DIAPH3: variants seen among roughly 807,000 people sequenced by gnomAD.
DIAPH3 encodes diaphanous related formin 3.
A neutral mutation model predicts 144.3 loss-of-function variants in DIAPH3; 117 were observed. The ratio of observed to expected loss-of-function variants is 0.81; its 90% CI spans 0.70 to 0.95. The LOEUF (loss-of-function observed/expected upper bound fraction) is 0.95. Ranked by LOEUF, DIAPH3 falls within the 40% of genes least tolerant of loss-of-function variation. The pLI is 0.00. For missense variants in DIAPH3, 1,421 were observed against 1,412.7 expected (o/e 1.01, Z -0.09); for synonymous variants, 519 against 488.9 (o/e 1.06, Z -0.81).
intron 4 of DIAPH3, among the ~76,000 whole-genome samples, chr13:60,078,077 G>C (rs1457701153): frequency 6.6e-6 from 1 of 152,082 alleles, no homozygotes; most frequent in Non-Finnish European, 1.5e-5. Flanking sequence ...AATCAAGTTT[G>C]TGAGCCTCCA....
At chr13:59,916,315 T>C in intron 18 of DIAPH3, 66 bp from the exon 19 acceptor site, 1 of 1,192,180 alleles carries the variant, frequency 8.4e-7, no homozygotes, top group Non-Finnish European at 1.2e-6. Context: ...CAGATGTAGT[T>C]CTATTTATAA....
chr13:59,772,038 CAATTTT>C (rs2038151011), intron 27 of DIAPH3, among the ~76,000 whole-genome samples: 1 of 151,812 alleles, frequency 6.6e-6, no homozygotes, highest in South Asian at 2.1e-4. Context: ...TATTAGACAT[CAATTTT>C]AAGTATATAA....
chr13:59,779,844 C>T (rs967906540), intron 25 of DIAPH3, among the ~76,000 whole-genome samples: 22 of 152,182 alleles, frequency 1.4e-4, no homozygotes, highest in African/African-American at 4.6e-4. Context: ...TATTCTATTA[C>T]GCTCTTCATT....
At chr13:60,007,886 T>C (rs1177753096) in intron 9 of DIAPH3, among the ~76,000 whole-genome samples, 4 of 152,178 alleles carry the variant, frequency 2.6e-5, no homozygotes, top group Non-Finnish European at 5.9e-5. Flanking sequence ...TGAAAAGCCC[T>C]AATCGACCTA....
chr13:59,833,141 A>T lies in DIAPH3; in HGVS notation c.2993T>A (p.Leu998His). Residue 998 changes from leucine (L) to histidine (H), a missense_variant, in exon 24 of 28, where the codon CTT becomes CAT. By Grantham distance (99) the Leu-to-His change is moderately conservative. Transcript: ENST00000400324. ...GGTTCTGAAGTTATTCAGGTCAGTA[A>T]GAAAGTCTTCCACAGACACCTTCTT... ...DVKKVSVEDF[L>H]TDLNNFRTTF... 6.2e-7 allele frequency: 1 copy of T among 1,610,790 alleles called. No homozygotes were observed. Among genetic ancestry groups the T allele is most frequent in the South Asian group, 1.1e-5 (1 of 90,852 alleles).
chr13:59,943,063 T>C (rs976576147), intron 17 of DIAPH3, among the ~76,000 whole-genome samples: 16 of 152,220 alleles, frequency 1.1e-4, no homozygotes, highest in Non-Finnish European at 4.4e-5. Context: ...TGTGCCGATG[T>C]AATAATCTCG....
intron 4 of DIAPH3, among the ~76,000 whole-genome samples, chr13:60,070,756 T>C (rs989775138): frequency 3.3e-5 from 5 of 152,226 alleles, no homozygotes; most frequent in Non-Finnish European, 7.3e-5. Flanking sequence ...TTGAGTTTGA[T>C]ACACTGCGGC....
At position 60,047,929 on chromosome 13, in the gene DIAPH3, T is replaced by G. The variant is rs142507043; in HGVS notation, c.496-5109A>C. Among the ~76,000 whole-genome samples, 453 of 152,348 alleles carry G rather than the reference T, an allele frequency of 3.0e-3. 2 individuals are homozygous for G. Among genetic ancestry groups the G allele is most frequent in the Non-Finnish European group, 5.2e-3 (356 of 68,030 alleles). ...TGAGATTTCAACTTACAAGCTAAGTTAGCCTGTTACTATTTCACAGATGCT... is the reference window on the plus strand; with the variant it reads ...TGAGATTTCAACTTACAAGCTAAGTGAGCCTGTTACTATTTCACAGATGCT... On this transcript the variant is annotated intron_variant, in intron 4 of 27. Coordinates refer to ENST00000400324, the MANE Select transcript of DIAPH3 (RefSeq NM_001042517.2).
intron 27 of DIAPH3, among the ~76,000 whole-genome samples, chr13:59,759,301 C>CG (rs1315731703): frequency 7.2e-5 from 11 of 151,918 alleles, no homozygotes; most frequent in Non-Finnish European, 1.6e-4. Flanking sequence ...AGGATGGGCC[C>CG]GGGGGCACAG....
chr13:59,719,671 C>G (rs776077847), intron 27 of DIAPH3, among the ~76,000 whole-genome samples: 8 of 152,130 alleles, frequency 5.3e-5, no homozygotes, highest in Admixed American at 1.3e-4. Context: ...TTGGAGAAAG[C>G]TCTTTAAAGA....
At chr13:59,741,319 G>GA (rs1310258373) in intron 27 of DIAPH3, among the ~76,000 whole-genome samples, 4 of 151,986 alleles carry the variant, frequency 2.6e-5, no homozygotes, top group Non-Finnish European at 5.9e-5. Flanking sequence ...AGAGGGGAAA[G>GA]AAAAAAATTA....
chr13:60,042,872 A>G (rs759099312), intron 4 of DIAPH3, 52 bp from the exon 5 acceptor site: 23 of 1,595,006 alleles, frequency 1.4e-5, no homozygotes, highest in Non-Finnish European at 2.0e-5. Context: ...GAGATTACCC[A>G]TTAAAAAATA....
intron 27 of DIAPH3, among the ~76,000 whole-genome samples, chr13:59,727,069 G>GA (rs1325865484): frequency 6.6e-6 from 1 of 151,900 alleles, no homozygotes; most frequent in Non-Finnish European, 1.5e-5. Flanking sequence ...TTTCAATGGG[G>GA]CAGTGAATTA....
intron 17 of DIAPH3, among the ~76,000 whole-genome samples, chr13:59,948,669 C>G (rs2048925254): frequency 6.6e-6 from 1 of 152,008 alleles, no homozygotes; most frequent in Non-Finnish European, 1.5e-5. Context: ...CTATATTGCC[C>G]AAGCTGGTCT....
At chr13:59,995,612 A>T (rs74747514) in intron 9 of DIAPH3, among the ~76,000 whole-genome samples, 4,823 of 152,032 alleles carry the variant, frequency 0.032, 269 homozygotes, top group African/African-American at 0.11. Flanking sequence ...TCTTTGAGAG[A>T]AAGAGGAGTC....
intron 12 of DIAPH3, among the ~76,000 whole-genome samples, chr13:59,990,157 C>G (rs1275667606): frequency 6.6e-6 from 1 of 151,622 alleles, no homozygotes; most frequent in Middle Eastern, 3.2e-3. Context: ...AGTTACTAAA[C>G]TCATATTTTA....
In DIAPH3 at chr13:60,004,770, A is replaced by G. The variant is rs141097140; in HGVS notation, c.1014+3774T>C. 3.7e-3 allele frequency among the ~76,000 whole-genome samples: 564 copies of G among 152,318 alleles called. 2 individuals are homozygous for G. The highest frequency in any genetic ancestry group is 0.012 in the African/African-American group (497 of 41,578). On this transcript the variant is annotated intron_variant, in intron 9 of 27. Transcript: ENST00000400324. Reference sequence around the variant, plus strand: ...TTATTTTAGTGTTTACAGGATATCAAATAATTAACACTACTACTAACTGTA... The same window carrying G: ...TTATTTTAGTGTTTACAGGATATCAGATAATTAACACTACTACTAACTGTA...
intron 27 of DIAPH3, among the ~76,000 whole-genome samples, chr13:59,700,616 C>T (rs2034055451): frequency 6.6e-6 from 1 of 152,176 alleles, no homozygotes; most frequent in Non-Finnish European, 1.5e-5. Context: ...AGTATCTCCT[C>T]CATGCCTCTT....
At chr13:59,988,765 T>C (rs2051603578) in intron 12 of DIAPH3, among the ~76,000 whole-genome samples, 1 of 151,894 alleles carries the variant, frequency 6.6e-6, no homozygotes, top group South Asian at 2.1e-4. Context: ...TTAACAAATA[T>C]CAGAAATTAT....
Sources: allele counts gnomAD v4.1 joint callset (sites outside exome capture counted in the v4.1 genomes callset), GRCh38; gene constraint gnomAD v4.1.1; transcripts MANE v1.5; gene names NCBI Gene and HGNC (gene_info 2026-07-23, HGNC 2026-07-21).